The following CHODL variants were observed in gnomAD, a reference collection of about 807,000 sequenced individuals.
CHODL encodes the protein chondrolectin, also known as transmembrane protein MT75.
A neutral mutation model predicts 34.5 loss-of-function variants in CHODL; 29 were observed. The ratio of observed to expected loss-of-function variants is 0.84; its 90% CI spans 0.63 to 1.15. The LOEUF is 1.15. Among genes scored for constraint, CHODL ranks in the 50% most tolerant of loss-of-function variants. The pLI is 0.00. For missense variants in CHODL, 332 were observed against 332.5 expected (o/e 1.00, Z 0.01); for synonymous variants, 125 against 116.1 (o/e 1.08, Z -0.49).
At chr21:17,949,037 C>T (rs912535900) in intron 1 of CHODL, among the ~76,000 whole-genome samples, 8 of 152,122 alleles carry the variant, frequency 5.3e-5, no homozygotes. Flanking sequence ...AACTATGCAA[C>T]ACTTTGATTA....
At chr21:17,983,912 T>TGGG (rs61591273) in intron 1 of CHODL, among the ~76,000 whole-genome samples, 2 of 149,602 alleles carry the variant, frequency 1.3e-5, no homozygotes, top group African/African-American at 2.5e-5. Flanking sequence ...AGTGTGTGTG[T>TGGG]GGGGGGGGTG....
chr21:17,924,904 T>G (rs1348131881), intron 1 of CHODL, among the ~76,000 whole-genome samples: 3 of 152,148 alleles, frequency 2.0e-5, no homozygotes, highest in Admixed American at 6.5e-5. Flanking sequence ...AAATGCTACA[T>G]AAGAAGACAA....
chr21:18,253,077 C>G (rs2074277112), intron 1 of CHODL, among the ~76,000 whole-genome samples: 1 of 152,092 alleles, frequency 6.6e-6, no homozygotes, highest in East Asian at 1.9e-4. Context: ...CCACATGAAA[C>G]CTAAAGCTCT....
intron 1 of CHODL, among the ~76,000 whole-genome samples, chr21:17,936,990 C>G (rs2063324518): frequency 6.7e-6 from 1 of 150,266 alleles, no homozygotes; most frequent in Non-Finnish European, 1.5e-5. Context: ...AGGAGAATCA[C>G]TTGAACCCTG....
chr21:18,202,574 C>T (rs2073666755), intron 2 of CHODL, among the ~76,000 whole-genome samples: 1 of 152,140 alleles, frequency 6.6e-6, no homozygotes, highest in Admixed American at 6.5e-5. Context: ...AATTAGTCTG[C>T]CCTTTTGTCG....
chr21:18,067,421 G>A (rs1004003005), intron 2 of CHODL, among the ~76,000 whole-genome samples: 2 of 152,190 alleles, frequency 1.3e-5, no homozygotes, highest in African/African-American at 2.4e-5. Flanking sequence ...AGAATGTCAT[G>A]TGAAGATAAA....
rs141496141 is a variant in CHODL at position 17,985,367 on chromosome 21, G to A, written c.-144-42505G>A. On this transcript the variant is annotated intron_variant, in intron 1 of 6. Coordinates refer to the CHODL transcript ENST00000400127. ...TATCTGCTTCTCAACTCCACCTCTCGCATGTATCACTCTGGAATTTAGTAT... is the reference window on the plus strand; with the variant it reads ...TATCTGCTTCTCAACTCCACCTCTCACATGTATCACTCTGGAATTTAGTAT... 4.2e-3 allele frequency among the ~76,000 whole-genome samples: 645 copies of A among 152,110 alleles called. 2 individuals are homozygous for A. The highest frequency in any genetic ancestry group is 0.02 in the South Asian group (98 of 4,822).
chr21:18,112,491 A>T (rs1366288900), intron 2 of CHODL, among the ~76,000 whole-genome samples: 1 of 152,188 alleles, frequency 6.6e-6, no homozygotes, highest in African/African-American at 2.4e-5. Flanking sequence ...AATTGGAGGA[A>T]TCACATTATC....
At chr21:18,008,203 C>T (rs866499541) in intron 1 of CHODL, among the ~76,000 whole-genome samples, 7 of 151,414 alleles carry the variant, frequency 4.6e-5, no homozygotes, top group Non-Finnish European at 7.4e-5. Context: ...AAAGTGCACA[C>T]GTTGAGTGTA....
At position 17,979,614 on chromosome 21, in the gene CHODL, T is replaced by C. The variant is rs141583171; in HGVS notation, c.-144-48258T>C. Among the ~76,000 whole-genome samples, 129 of 152,316 alleles carry C rather than the reference T, an allele frequency of 8.5e-4. 2 individuals are homozygous for C. The highest frequency in any genetic ancestry group is 2.9e-3 in the African/African-American group (122 of 41,576). ...TAACATTATGGCTGAGTAAAGAGCG[T>C]TGGAAATTCTAAGTATGATTTCTGA... On this transcript the variant is annotated intron_variant, in intron 1 of 6. Transcript: ENST00000400127.
At chr21:18,000,834 A>C (rs2063898278) in intron 1 of CHODL, among the ~76,000 whole-genome samples, 1 of 152,242 alleles carries the variant, frequency 6.6e-6, no homozygotes, top group South Asian at 2.1e-4. Flanking sequence ...GTGGTCAAAA[A>C]TTCAAAGTTC....
intron 2 of CHODL, among the ~76,000 whole-genome samples, chr21:18,096,845 C>T (rs1357190026): frequency 6.6e-6 from 1 of 152,104 alleles, no homozygotes; most frequent in Non-Finnish European, 1.5e-5. Context: ...CTTCTAAAAT[C>T]CCTAATAAAA....
intron 2 of CHODL, among the ~76,000 whole-genome samples, chr21:18,123,399 G>A (rs2065504654): frequency 6.6e-6 from 1 of 152,172 alleles, no homozygotes; most frequent in Non-Finnish European, 1.5e-5. Context: ...TAAGTAGTAG[G>A]TTTCAATTCT....
intron 1 of CHODL, among the ~76,000 whole-genome samples, chr21:18,255,395 C>T (rs1306169431): frequency 6.6e-6 from 1 of 152,000 alleles, no homozygotes; most frequent in Non-Finnish European, 1.5e-5. Context: ...TGGAACATTT[C>T]TAAGGTTAAA....
chr21:18,084,428 G>A (rs2064978688), intron 2 of CHODL, among the ~76,000 whole-genome samples: 1 of 152,072 alleles, frequency 6.6e-6, no homozygotes, highest in South Asian at 2.1e-4. Flanking sequence ...TTTTAGCACT[G>A]CTTTTGCTGT....
chr21:18,142,643 C>T (rs2146612339), intron 2 of CHODL, among the ~76,000 whole-genome samples: 1 of 152,176 alleles, frequency 6.6e-6, no homozygotes, highest in Admixed American at 6.5e-5. Flanking sequence ...CTGGACTTAC[C>T]TTTCTTCTCA....
At chr21:18,221,684 G>A (rs1385272659) in intron 2 of CHODL, among the ~76,000 whole-genome samples, 6 of 152,176 alleles carry the variant, frequency 3.9e-5, no homozygotes, top group Admixed American at 1.3e-4. Context: ...CTCAGGCTGC[G>A]GTTGTTTGGA....
chr21:18,124,847 C>A (rs1052225455), intron 2 of CHODL, among the ~76,000 whole-genome samples: 10 of 152,192 alleles, frequency 6.6e-5, no homozygotes, highest in African/African-American at 2.2e-4. Flanking sequence ...ACTTAGTTCT[C>A]ACAATAAACT....
intron 2 of CHODL, among the ~76,000 whole-genome samples, chr21:18,203,076 T>C (rs1418500446): frequency 6.6e-6 from 1 of 152,224 alleles, no homozygotes; most frequent in Non-Finnish European, 1.5e-5. Flanking sequence ...CAGTGTTTTT[T>C]TGTATTTGCA....
Sources: gnomAD v4.1 joint callset for allele counts (sites outside exome capture counted in the v4.1 genomes callset) on GRCh38, gnomAD v4.1.1 for gene constraint, MANE v1.5 for transcripts, NCBI Gene and HGNC (gene_info 2026-07-23, HGNC 2026-07-21) for gene names.